The following SLC6A9 variants were observed in gnomAD, a reference collection of about 807,000 sequenced individuals.
SLC6A9 encodes the protein solute carrier family 6 member 9, also known as sodium- and chloride-dependent glycine transporter 1.
SLC6A9 carries 31 observed loss-of-function variants against 70.9 expected under a neutral mutation model. That is an observed-to-expected ratio of 0.44 (90% CI 0.33 to 0.59). SLC6A9 has a LOEUF of 0.59. Among genes scored for constraint, SLC6A9 ranks in the 20% least tolerant of loss-of-function variants. SLC6A9 has a pLI of 0.04. For synonymous variants in SLC6A9, 310 were observed against 341.3 expected, an observed-to-expected ratio of 0.91 and a Z score of 1.01; for missense variants, 631 against 845.2, an observed-to-expected ratio of 0.75 and a Z score of 3.14.
Position 44,013,626 on chromosome 1 carries a change from C to T in SLC6A9, c.31-2744G>A, listed in dbSNP as rs527700339. Among the ~76,000 whole-genome samples the T allele has an allele frequency of 6.6e-6, 1 of 152,322 alleles. No homozygotes were observed. Among genetic ancestry groups the T allele is most frequent in the Non-Finnish European group, 1.5e-5 (1 of 68,026 alleles). On this transcript the variant is annotated intron_variant, in intron 2 of 13. Coordinates refer to ENST00000372310, the MANE Select transcript of SLC6A9 (RefSeq NM_001024845.3). This position sits in a 1 kb window ranked among gnomAD's most constrained non-coding sequence, Gnocchi z 5.3. The stretch of plus-strand genomic sequence containing the variant: ...TGGGTCCCAGCACTGTGGCGCTCGA[C>T]CACGGGAATCTGGCCCAGGCTTGGC...
At chr1:44,010,542 TG>T (rs1231509584) in intron 3 of SLC6A9, 183 bp downstream of exon 3, 3 of 455,310 alleles carry the variant, frequency 6.6e-6, no homozygotes, top group African/African-American at 5.9e-5. Context: ...AACAACAGAC[TG>T]CCAGGGTCTG....
At chr1:44,021,289 C>T (rs1295114209) in intron 2 of SLC6A9, among the ~76,000 whole-genome samples, 4 of 152,064 alleles carry the variant, frequency 2.6e-5, no homozygotes, top group Middle Eastern at 3.2e-3. Flanking sequence ...GCTGGGTTCT[C>T]GCACAGCCCT....
intron 2 of SLC6A9, chr1:44,017,069 A>G (rs2086771491): frequency 8.1e-6 from 13 of 1,601,544 alleles, no homozygotes; most frequent in African/African-American, 1.3e-5. Flanking sequence ...AGAGGGGGCC[A>G]CAGGTCCATG....
intron 1 of SLC6A9, among the ~76,000 whole-genome samples, chr1:44,027,247 C>G (rs973050897): frequency 6.6e-6 from 1 of 152,096 alleles, no homozygotes; most frequent in African/African-American, 2.4e-5. Flanking sequence ...ATCTGGTAGG[C>G]CTGGGCTGGA....
chr1:44,022,365 A>G (rs552475672), intron 2 of SLC6A9, among the ~76,000 whole-genome samples: 1 of 152,248 alleles, frequency 6.6e-6, no homozygotes, highest in South Asian at 2.1e-4. Context: ...GCTTCTTATC[A>G]CAAGCCCATG....
chr1:44,031,260 C>G (rs1162772346), intron 1 of SLC6A9, 46 bp downstream of exon 1: 1 of 152,746 alleles, frequency 6.5e-6, no homozygotes, highest in African/African-American at 2.4e-5. Flanking sequence ...GACGGCAGGA[C>G]AGACGGAGGC....
chr1:44,028,636 T>C (rs995844794), intron 1 of SLC6A9, among the ~76,000 whole-genome samples: 10 of 152,320 alleles, frequency 6.6e-5, no homozygotes, highest in African/African-American at 2.4e-4. Context: ...GCACCTGTAA[T>C]CCCAGCTGCT....
At chr1:44,028,030 G>A (rs1199652183) in intron 1 of SLC6A9, among the ~76,000 whole-genome samples, 1 of 152,216 alleles carries the variant, frequency 6.6e-6, no homozygotes. Flanking sequence ...AAAAGACAAA[G>A]ATTGTGTTAT....
At chr1:44,024,410 C>T in intron 1 of SLC6A9, 48 bp from the exon 2 acceptor site, 1 of 1,118,904 alleles carries the variant, frequency 8.9e-7, no homozygotes, top group Non-Finnish European at 1.3e-6. Context: ...GTGTGGCCCA[C>T]AGGGCTCTCC....
intron 2 of SLC6A9, among the ~76,000 whole-genome samples, chr1:44,011,193 A>AGG (rs2086553835): frequency 6.6e-6 from 1 of 152,046 alleles, no homozygotes. Flanking sequence ...AGGAGCCCCC[A>AGG]AGCCCCTCCA....
At chr1:44,022,741 C>CA (rs1327575383) in intron 2 of SLC6A9, among the ~76,000 whole-genome samples, 1 of 42,564 alleles carries the variant, frequency 2.3e-5, no homozygotes, top group East Asian at 1.4e-3. Context: ...TTTTTTGAGA[C>CA]AGAGCCCTGC....
chr1:44,029,158 T>C (rs2087044470), intron 1 of SLC6A9, among the ~76,000 whole-genome samples: 1 of 152,178 alleles, frequency 6.6e-6, no homozygotes, highest in Non-Finnish European at 1.5e-5. Flanking sequence ...CTTGACAGTC[T>C]CACCGCTGAG....
At chr1:44,028,901 G>A (rs1312173215) in intron 1 of SLC6A9, among the ~76,000 whole-genome samples, 10 of 152,226 alleles carry the variant, frequency 6.6e-5, no homozygotes, top group Non-Finnish European at 1.5e-4. Context: ...GAGGTGCACA[G>A]ATTTCAGAGA....
chr1:44,017,133 T>C lies in SLC6A9; in HGVS notation c.31-6251A>G, dbSNP rs1450790373. ...GCAGCCCGCGTGTCTCCGCCGCTCA[T>C]TCACACCTCTGCCAGCTCCAGCGCG... is the stretch of plus-strand genomic sequence containing the variant. On this transcript the variant is annotated intron_variant, in intron 2 of 13. Transcript: ENST00000372310. The C allele has an allele frequency of 5.0e-6, 8 of 1,607,592 alleles. No individual in the cohort carries two copies. In the Admixed American group the frequency reaches 1.3e-4, roughly 27 times the overall value.
rs202054416 is a variant in SLC6A9, at chr1:43,997,909, G to A, written c.1653C>T (p.Ile551=). The stretch of plus-strand genomic sequence containing the variant: ...AGAGCCGGAACATGGCGTAGAGGGG[G>A]ATGCAGAGGACGGAGGACAGAGCCA... ...FLMALSSVLC[I]PLYAMFRLCR... Residue 551 remains isoleucine, a synonymous_variant, in exon 13 of 14, where the codon ATC becomes ATT. Coordinates refer to ENST00000372310, the MANE Select transcript of SLC6A9 (RefSeq NM_001024845.3). The surrounding 1 kb of genome is among the most constrained non-coding windows in gnomAD (Gnocchi z 4.4). 2.8e-4 allele frequency: 446 copies of A among 1,614,026 alleles called. 1 individual carries two copies. The highest frequency in any genetic ancestry group is 3.5e-4 in the Non-Finnish European group (415 of 1,179,994).
At chr1:44,017,241 C>T in intron 2 of SLC6A9, 1 of 1,517,136 alleles carries the variant, frequency 6.6e-7, no homozygotes, top group Non-Finnish European at 8.8e-7. Flanking sequence ...GAAGCTCTGC[C>T]TACCCGCTCC....
chr1:44,009,072 G>A (rs1469070191), intron 4 of SLC6A9, among the ~76,000 whole-genome samples: 12 of 143,534 alleles, frequency 8.4e-5, no homozygotes, highest in Non-Finnish European at 1.8e-4. Flanking sequence ...TCTTGCCCAG[G>A]CTGGAGTGCA....
At chr1:44,004,879 C>T (rs531217519) in intron 5 of SLC6A9, among the ~76,000 whole-genome samples, 14 of 152,340 alleles carry the variant, frequency 9.2e-5, no homozygotes, top group Middle Eastern at 3.4e-3. Context: ...TCCAGAATTA[C>T]TCTGCGTTGC....
In SLC6A9 at chr1:44,016,991, C is replaced by T. The variant is rs577172619; in HGVS notation, c.31-6109G>A. 2.0e-6 allele frequency: 3 copies of T among 1,524,378 alleles called. No individual in the cohort carries two copies. The African/African-American group carries it at 4.2e-5, about 22-fold the overall frequency. The allele number at this position is 1,524,378 out of a possible 1,614,324, so 94.4% of individuals were successfully genotyped here. On this transcript the variant is annotated intron_variant, in intron 2 of 13. Transcript: ENST00000372310. The stretch of plus-strand genomic sequence containing the variant: ...GCCCCTCTCCCCATCCGCAGCCCAG[C>T]CTCTCAGCCTGCCTGGCACCAAGGA...
Sources: gnomAD v4.1 joint callset for allele counts (sites outside exome capture counted in the v4.1 genomes callset) on GRCh38, gnomAD v4.1.1 for gene constraint, Gnocchi (gnomAD v3.1) non-coding constraint, MANE v1.5 for transcripts, NCBI Gene and HGNC (gene_info 2026-07-23, HGNC 2026-07-21) for gene names.